UHRF2: variants seen among roughly 807,000 people sequenced by gnomAD.
UHRF2 encodes E3 ubiquitin-protein ligase UHRF2.
Under a neutral mutation model 96.8 loss-of-function variants are expected in UHRF2, and 23 were observed. That is an observed-to-expected ratio of 0.24 (90% CI 0.17 to 0.34). The LOEUF is 0.34. Ranked by LOEUF, UHRF2 falls within the 10% of genes least tolerant of loss-of-function variation. UHRF2 has a pLI of 1.00. For missense variants in UHRF2, 685 were observed against 981.5 expected (o/e 0.70, Z 4.04); for synonymous variants, 385 against 332.6 (o/e 1.16, Z -1.72).
chr9:6,421,763 C>G (rs1346529576), intron 2 of UHRF2, among the ~76,000 whole-genome samples: 1 of 152,172 alleles, frequency 6.6e-6, no homozygotes, highest in Non-Finnish European at 1.5e-5. Flanking sequence ...CAGAACACTT[C>G]TCTCTGTGTC....
At chr9:6,451,618 C>G (rs1230314853) in intron 3 of UHRF2, among the ~76,000 whole-genome samples, 1 of 149,160 alleles carries the variant, frequency 6.7e-6, no homozygotes, top group Non-Finnish European at 1.5e-5. Flanking sequence ...GTAGCTGGGA[C>G]TACAGGCGCC....
rs572218605 is a variant in UHRF2, at chr9:6,456,784, T to C, written c.645-3789T>C. Among the ~76,000 whole-genome samples the C allele has an allele frequency of 1.7e-4, 26 of 152,332 alleles. No homozygotes were observed. The South Asian group carries it at 4.8e-3, about 28-fold the overall frequency. Reference sequence around the variant, plus strand: ...AGTTTTCCCAACACCATTTATTAAATAGGGAATCCTTTCCCCATTTCTTGT... The same window carrying C: ...AGTTTTCCCAACACCATTTATTAAACAGGGAATCCTTTCCCCATTTCTTGT... On this transcript the variant is annotated intron_variant, in intron 3 of 15. Transcript: ENST00000276893.
intron 3 of UHRF2, among the ~76,000 whole-genome samples, chr9:6,456,836 TA>T (rs1182464542): frequency 6.6e-6 from 1 of 152,178 alleles, no homozygotes; most frequent in Non-Finnish European, 1.5e-5. Context: ...AAAGATCAGA[TA>T]GTTGAAGATG....
At chr9:6,439,288 G>T (rs748285115) in intron 3 of UHRF2, among the ~76,000 whole-genome samples, 13 of 152,116 alleles carry the variant, frequency 8.5e-5, no homozygotes, top group Non-Finnish European at 1.3e-4. Context: ...GGGTTCAAAC[G>T]ATTCTCCTGT....
chr9:6,504,573 A>G lies in UHRF2; in HGVS notation c.2164-20A>G. ...ATGAACTGCTAACTTTTCTTTCCTTATCCTTGGATACTGTTCTAGAATTTT... is the reference window on the plus strand; with the variant it reads ...ATGAACTGCTAACTTTTCTTTCCTTGTCCTTGGATACTGTTCTAGAATTTT... On this transcript the variant is annotated intron_variant, in intron 14 of 15. Coordinates refer to ENST00000276893, the MANE Select transcript of UHRF2 (RefSeq NM_152896.3). 1 of 1,585,380 alleles carries G rather than the reference A, an allele frequency of 6.3e-7. No individual in the cohort carries two copies. Among genetic ancestry groups the G allele is most frequent in the Non-Finnish European group, 8.6e-7 (1 of 1,158,150 alleles).
Position 6,433,954 on chromosome 9 carries a change from C to A in UHRF2, c.425C>A (p.Ala142Asp). The A allele has an allele frequency of 6.2e-7, 1 of 1,611,636 alleles. No individual in the cohort carries two copies. Among genetic ancestry groups the A allele is most frequent in the Non-Finnish European group, 8.5e-7 (1 of 1,178,100 alleles). The change falls in exon 3 of 16, where the codon GCT (alanine) becomes GAT (aspartate). Residue 142 changes from alanine (A) to aspartate (D), a missense_variant. Physicochemically the swap from Ala to Asp is moderately radical, Grantham distance 126. Transcript: ENST00000276893. The part of the protein sequence containing the change: ...LVDARDVGLG[A>D]WFEAHIHSVT... ...GATGCCAGAGATGTCGGCCTTGGTGCTTGGTTTGAAGCACACATACATAGT... is the reference window on the plus strand; with the variant it reads ...GATGCCAGAGATGTCGGCCTTGGTGATTGGTTTGAAGCACACATACATAGT...
rs145053137 is a variant in UHRF2, at chr9:6,441,347, T to G, written c.644+7174T>G. ...GAAGATTGTGCCATTGTACTCCAGC[T>G]TGGGTGACACGGTGAAAACCTGTCT... On this transcript the variant is annotated intron_variant, in intron 3 of 15. Transcript: ENST00000276893. Among the ~76,000 whole-genome samples, 493 of 151,776 alleles carry G rather than the reference T, an allele frequency of 3.2e-3. 3 individuals are homozygous for G. The highest frequency in any genetic ancestry group is 0.011 in the African/African-American group (463 of 41,386).
At chr9:6,417,779 C>T (rs1459718164) in intron 1 of UHRF2, among the ~76,000 whole-genome samples, 1 of 152,150 alleles carries the variant, frequency 6.6e-6, no homozygotes, top group Non-Finnish European at 1.5e-5. Flanking sequence ...ACATGGTGCT[C>T]TTACGACATT....
chr9:6,483,050 G>A (rs1445289872), intron 8 of UHRF2, among the ~76,000 whole-genome samples: 1 of 152,082 alleles, frequency 6.6e-6, no homozygotes, highest in African/African-American at 2.4e-5. Context: ...GCTCAGGCTG[G>A]TGTGGTGGCT....
chr9:6,417,156 C>T lies in UHRF2; in HGVS notation c.153+3513C>T, dbSNP rs373733251. Among the ~76,000 whole-genome samples the T allele has an allele frequency of 1.1e-4, 16 of 152,256 alleles. No homozygotes were observed. In the East Asian group the frequency reaches 3.1e-3, roughly 29 times the overall value. ...GTTGCTTGGGAATGACTTCCCACTG[C>T]CCTCTCAGCCACTTCCACTTGGCAT... On this transcript the variant is annotated intron_variant, in intron 1 of 15. Coordinates refer to ENST00000276893, the MANE Select transcript of UHRF2 (RefSeq NM_152896.3).
chr9:6,469,674 G>C (rs1430224904), intron 4 of UHRF2, among the ~76,000 whole-genome samples: 1 of 151,150 alleles, frequency 6.6e-6, no homozygotes, highest in East Asian at 1.9e-4. Context: ...GTGTGTGTGT[G>C]TGTATGTATA....
intron 4 of UHRF2, among the ~76,000 whole-genome samples, chr9:6,462,346 C>A (rs535725): frequency 6.6e-6 from 1 of 151,060 alleles, no homozygotes; most frequent in Non-Finnish European, 1.5e-5. Flanking sequence ...AAAAATGATG[C>A]GAGGTGTTGA....
intron 5 of UHRF2, among the ~76,000 whole-genome samples, chr9:6,476,980 C>G (rs1363160846): frequency 6.6e-6 from 1 of 152,112 alleles, no homozygotes; most frequent in African/African-American, 2.4e-5. Flanking sequence ...GGCTGGGTGA[C>G]AGCAGTTTGG....
intron 6 of UHRF2, among the ~76,000 whole-genome samples, chr9:6,479,062 A>C (rs570091553): frequency 3.2e-4 from 49 of 152,222 alleles, no homozygotes; most frequent in Non-Finnish European, 1.9e-4. Context: ...TTACTAGATC[A>C]TTCTCATTAG....
intron 9 of UHRF2, among the ~76,000 whole-genome samples, 175 bp downstream of exon 9, chr9:6,487,100 T>G (rs1369390695): frequency 3.9e-5 from 6 of 152,078 alleles, no homozygotes. Context: ...ATTCTTTACA[T>G]GTACTGGTTT....
At chr9:6,502,458 G>A (rs1242040690) in intron 14 of UHRF2, among the ~76,000 whole-genome samples, 4 of 152,078 alleles carry the variant, frequency 2.6e-5, no homozygotes, top group Non-Finnish European at 2.9e-5. Context: ...TTAAAATTTA[G>A]TTTAAAAAGT....
At chr9:6,493,143 C>A (rs1330676448) in intron 9 of UHRF2, among the ~76,000 whole-genome samples, 1 of 151,986 alleles carries the variant, frequency 6.6e-6, no homozygotes, top group African/African-American at 2.4e-5. Flanking sequence ...ACTAAAAATA[C>A]AAAAGCTAGA....
At chr9:6,451,114 ACTCAC>A (rs1821832424) in intron 3 of UHRF2, among the ~76,000 whole-genome samples, 1 of 152,152 alleles carries the variant, frequency 6.6e-6, no homozygotes, top group African/African-American at 2.4e-5. Context: ...GCTTTATCCT[ACTCAC>A]GGTAGTTTCA....
intron 3 of UHRF2, among the ~76,000 whole-genome samples, chr9:6,446,483 G>A (rs993157235): frequency 1.7e-4 from 26 of 151,898 alleles, no homozygotes; most frequent in African/African-American, 6.3e-4. Context: ...GTTTCGCCAT[G>A]TTGCCCAGGC....
Sources: gnomAD v4.1 joint callset for allele counts (sites outside exome capture counted in the v4.1 genomes callset) on GRCh38, gnomAD v4.1.1 for gene constraint, MANE v1.5 for transcripts, NCBI Gene and HGNC (gene_info 2026-07-23, HGNC 2026-07-21) for gene names.